ATP10B: variants seen among roughly 807,000 people sequenced by gnomAD.
ATP10B encodes the protein ATPase phospholipid transporting 10B (putative).
ATP10B carries 122 observed loss-of-function variants against 141.2 expected under a neutral mutation model. That is an observed-to-expected ratio of 0.86 (90% CI 0.75 to 1.00). ATP10B has a LOEUF of 1.00. Ranked by LOEUF, ATP10B falls within the 50% of genes least tolerant of loss-of-function variation. The pLI, the probability that ATP10B is intolerant of heterozygous loss-of-function variation, is 0.00. For synonymous variants in ATP10B, 685 were observed against 692.0 expected (o/e 0.99, Z 0.16); for missense variants, 1,876 against 1,825.3 (o/e 1.03, Z -0.51).
rs547313341 is a variant in ATP10B, at chr5:160,844,775, C to T, written c.-576+7166G>A. ...GGCCAGGCTGGTCTTGAACTCCTGGCCTCAAGTGATCTGCCCACCTTGGCC... is the reference window on the plus strand; with the variant it reads ...GGCCAGGCTGGTCTTGAACTCCTGGTCTCAAGTGATCTGCCCACCTTGGCC... On this transcript the variant is annotated intron_variant, in intron 1 of 25. Transcript: ENST00000327245. Among the ~76,000 whole-genome samples, 4 of 152,000 alleles carry T rather than the reference C, an allele frequency of 2.6e-5. No individual in the cohort carries two copies. The South Asian group carries it at 8.3e-4, about 32-fold the overall frequency.
chr5:160,653,640 A>T (rs866857694), intron 7 of ATP10B, among the ~76,000 whole-genome samples: 73 of 79,996 alleles, frequency 9.1e-4, no homozygotes, highest in African/African-American at 3.6e-3. Flanking sequence ...ACATATATAC[A>T]TATATATTAT....
intron 1 of ATP10B, among the ~76,000 whole-genome samples, chr5:160,840,304 A>G (rs992164726): frequency 6.6e-6 from 1 of 152,102 alleles, no homozygotes; most frequent in Non-Finnish European, 1.5e-5. Flanking sequence ...AGTCACTAGG[A>G]AGAGCTATGA....
intron 1 of ATP10B, among the ~76,000 whole-genome samples, chr5:160,825,916 T>C (rs945010931): frequency 2.6e-5 from 4 of 152,184 alleles, no homozygotes; most frequent in African/African-American, 9.7e-5. Flanking sequence ...GTATTTGTTG[T>C]TTTGCTCCTG....
chr5:160,616,106 T>TTA, intron 16 of ATP10B, 142 bp from the exon 17 acceptor site: 1 of 864,536 alleles, frequency 1.2e-6, no homozygotes, highest in Non-Finnish European at 1.7e-6. Context: ...CAAAGACTTT[T>TTA]TTTTAAATAT....
chr5:160,632,018 A>T (rs1396612597), intron 13 of ATP10B, 111 bp downstream of exon 13: 2 of 972,438 alleles, frequency 2.1e-6, no homozygotes, highest in Non-Finnish European at 3.1e-6. Context: ...CAAGGGCACC[A>T]TTTTGAAAGC....
chr5:160,806,554 AAG>A (rs765362243), intron 1 of ATP10B, among the ~76,000 whole-genome samples: 4 of 152,200 alleles, frequency 2.6e-5, no homozygotes, highest in Non-Finnish European at 5.9e-5. Context: ...AACTTTGGCG[AAG>A]AGGTCTTGGG....
At chr5:160,770,696 G>A (rs919635991) in intron 2 of ATP10B, among the ~76,000 whole-genome samples, 13 of 151,826 alleles carry the variant, frequency 8.6e-5, no homozygotes, top group African/African-American at 2.4e-4. Context: ...ATTTTAACAC[G>A]GTCTTAGAAA....
In ATP10B at chr5:160,837,001, G is replaced by A. The variant is rs189740002; in HGVS notation, c.-576+14940C>T. Reference sequence around the variant, plus strand: ...CCTTTTCTTAAGGGTTTTGTATTACGACAACCCTTTGCGAAAATCATACTT... The same window carrying A: ...CCTTTTCTTAAGGGTTTTGTATTACAACAACCCTTTGCGAAAATCATACTT... On this transcript the variant is annotated intron_variant, in intron 1 of 25. Coordinates refer to ENST00000327245, the MANE Select transcript of ATP10B (RefSeq NM_025153.3). 4.2e-3 allele frequency among the ~76,000 whole-genome samples: 643 copies of A among 151,904 alleles called. 3 individuals are homozygous for A. The highest frequency in any genetic ancestry group is 0.015 in the African/African-American group (612 of 41,430).
intron 20 of ATP10B, 48 bp downstream of exon 20, chr5:160,603,917 A>G: frequency 1.3e-6 from 2 of 1,514,604 alleles, no homozygotes; most frequent in Non-Finnish European, 1.8e-6. Context: ...ATTTCCTTGT[A>G]TCTCAACTAA....
intron 1 of ATP10B, among the ~76,000 whole-genome samples, chr5:160,817,134 T>G (rs1773697247): frequency 6.6e-6 from 1 of 152,182 alleles, no homozygotes; most frequent in Non-Finnish European, 1.5e-5. Flanking sequence ...TTCAACATAA[T>G]GTTGGAAGTT....
the ATP10B span, among the ~76,000 whole-genome samples, chr5:160,915,336 C>T: frequency 1.4e-5 from 2 of 145,168 alleles, no homozygotes; most frequent in East Asian, 4.0e-4. Context: ...AGCACACTGA[C>T]TTTTTTTTTT....
At chr5:160,682,910 G>T (rs1339804959) in intron 6 of ATP10B, among the ~76,000 whole-genome samples, 1 of 151,594 alleles carries the variant, frequency 6.6e-6, no homozygotes, top group African/African-American at 2.4e-5. Flanking sequence ...GTGATGGCGG[G>T]CACCTGTAGT....
chr5:160,752,165 T>TC lies in ATP10B; in HGVS notation c.-331+33393dup, dbSNP rs1186400613. Among the ~76,000 whole-genome samples the TC allele has an allele frequency of 3.3e-4, 45 of 135,894 alleles. No homozygotes were observed. The East Asian group carries it at 9.8e-3, about 30-fold the overall frequency. 89.2% of individuals were successfully genotyped at this position (135,894 alleles called of 152,430 possible). ...GCCAATTCAAACTCCAGGGGGCAAG[T>TC]CCCCCTACTTTTTTTTTTTTTTTTT... On this transcript the variant is annotated intron_variant, in intron 2 of 25. Coordinates refer to ENST00000327245, the MANE Select transcript of ATP10B (RefSeq NM_025153.3).
chr5:160,847,166 C>A (rs1776174956), intron 1 of ATP10B, among the ~76,000 whole-genome samples: 1 of 152,158 alleles, frequency 6.6e-6, no homozygotes, highest in African/African-American at 2.4e-5. Flanking sequence ...GTCTTACATG[C>A]TAATTTTCAG....
intron 24 of ATP10B, among the ~76,000 whole-genome samples, chr5:160,579,224 T>C (rs1281815338): frequency 2.6e-5 from 4 of 152,238 alleles, no homozygotes; most frequent in Admixed American, 6.5e-5. Context: ...TTTGGTGTTT[T>C]AGTCATGAAG....
chr5:160,626,291 C>T (rs752116729), intron 13 of ATP10B, among the ~76,000 whole-genome samples: 6 of 152,150 alleles, frequency 3.9e-5, no homozygotes, highest in Non-Finnish European at 1.5e-5. Flanking sequence ...CATACAAACC[C>T]CCTTTGAGGA....
At chr5:160,596,615 A>G (rs1756711849) in intron 22 of ATP10B, among the ~76,000 whole-genome samples, 1 of 149,914 alleles carries the variant, frequency 6.7e-6, no homozygotes, top group Admixed American at 6.7e-5. Flanking sequence ...CCCTGTTTGC[A>G]GATGACATGA....
intron 24 of ATP10B, among the ~76,000 whole-genome samples, chr5:160,574,488 T>G (rs1755068099): frequency 6.6e-6 from 1 of 152,212 alleles, no homozygotes; most frequent in South Asian, 2.1e-4. Flanking sequence ...GTAATTTTCT[T>G]TCCTTGAACT....
intron 2 of ATP10B, among the ~76,000 whole-genome samples, chr5:160,748,450 G>A (rs185785504): frequency 6.6e-6 from 1 of 152,232 alleles, no homozygotes; most frequent in Admixed American, 6.5e-5. Context: ...AACCAAATAC[G>A]CTTCATCCAC....
Sources: allele counts gnomAD v4.1 joint callset (sites outside exome capture counted in the v4.1 genomes callset), GRCh38; gene constraint gnomAD v4.1.1; transcripts MANE v1.5; gene names NCBI Gene and HGNC (gene_info 2026-07-23, HGNC 2026-07-21).